Variants in DPYD observed in about 807,000 individuals in gnomAD.
DPYD encodes dihydropyrimidine dehydrogenase, also known as dihydropyrimidine dehydrogenase [NADP(+)].
A neutral mutation model predicts 116.2 loss-of-function variants in DPYD; 109 were observed. The ratio of observed to expected loss-of-function variants is 0.94; its 90% CI spans 0.80 to 1.10. The LOEUF (loss-of-function observed/expected upper bound fraction) is 1.10. Ranked by LOEUF, DPYD falls within the 50% of genes least tolerant of loss-of-function variation. DPYD has a pLI of 0.00. For missense variants in DPYD, 1,302 were observed against 1,254.5 expected, an observed-to-expected ratio of 1.04 and a Z score of -0.57; for synonymous variants, 440 against 432.0, an observed-to-expected ratio of 1.02 and a Z score of -0.23.
chr1:97,585,425 G>C (rs185496556), intron 10 of DPYD, among the ~76,000 whole-genome samples: 285 of 152,236 alleles, frequency 1.9e-3, no homozygotes, highest in Non-Finnish European at 3.2e-3. Context: ...AAGATATTAA[G>C]TACACCTCTA....
chr1:97,524,829 C>T (rs928922246), intron 12 of DPYD, among the ~76,000 whole-genome samples: 1 of 152,140 alleles, frequency 6.6e-6, no homozygotes, highest in Non-Finnish European at 1.5e-5. Context: ...TAGATTGTTG[C>T]AATCAGTTGG....
intron 19 of DPYD, among the ~76,000 whole-genome samples, chr1:97,206,107 G>A (rs1209394750): frequency 6.6e-6 from 1 of 151,772 alleles, no homozygotes; most frequent in African/African-American, 2.4e-5. Context: ...AAGGTATGAG[G>A]GAGGGGTACG....
At chr1:97,116,331 AC>A (rs1238794380) in intron 20 of DPYD, among the ~76,000 whole-genome samples, 1 of 152,102 alleles carries the variant, frequency 6.6e-6, no homozygotes, top group Non-Finnish European at 1.5e-5. Flanking sequence ...AGTGCATCTT[AC>A]CAAGACACAA....
Position 97,736,698 on chromosome 1 carries a change from T to C in DPYD, c.321+3694A>G, listed in dbSNP as rs373975946. Among the ~76,000 whole-genome samples, 7 of 152,056 alleles carry C rather than the reference T, an allele frequency of 4.6e-5. No homozygotes were observed. In the East Asian group the frequency reaches 7.7e-4, roughly 17 times the overall value. ...CCAACCCATAATACATAGGCCAAAA[T>C]TGGCAGGTCATCTGTAATGAAAACT... On this transcript the variant is annotated intron_variant, in intron 4 of 22. Transcript: ENST00000370192.
intron 20 of DPYD, among the ~76,000 whole-genome samples, chr1:97,145,400 G>A (rs1654541950): frequency 6.6e-6 from 1 of 152,136 alleles, no homozygotes; most frequent in Non-Finnish European, 1.5e-5. Flanking sequence ...CTGCATGACA[G>A]CAGCCTCTTT....
chr1:97,125,644 T>C (rs1358882073), intron 20 of DPYD, among the ~76,000 whole-genome samples: 1 of 151,886 alleles, frequency 6.6e-6, no homozygotes, highest in South Asian at 2.1e-4. Context: ...TAGTAGGAGG[T>C]AGGGACTTTG....
At chr1:97,252,662 T>C (rs1663186100) in intron 18 of DPYD, among the ~76,000 whole-genome samples, 1 of 152,192 alleles carries the variant, frequency 6.6e-6, no homozygotes, top group Non-Finnish European at 1.5e-5. Flanking sequence ...CGCTATATAC[T>C]GTTTTTCTCA....
At chr1:97,323,194 GTA>G (rs1159479856) in intron 16 of DPYD, among the ~76,000 whole-genome samples, 3 of 146,584 alleles carry the variant, frequency 2.0e-5, no homozygotes, top group African/African-American at 7.5e-5. Context: ...ATATATACAC[GTA>G]TATATATCCA....
chr1:97,188,394 T>A (rs932048044), intron 20 of DPYD, among the ~76,000 whole-genome samples: 2 of 152,208 alleles, frequency 1.3e-5, no homozygotes, highest in African/African-American at 4.8e-5. Flanking sequence ...ATTGACTTTC[T>A]TTTTTCCTCC....
In DPYD at chr1:97,715,192, C is replaced by T. The variant is rs893097263; in HGVS notation, c.483+6318G>A. Among the ~76,000 whole-genome samples the T allele has an allele frequency of 3.3e-5, 5 of 151,976 alleles. No individual in the cohort carries two copies. The East Asian group carries it at 9.6e-4, about 29-fold the overall frequency. ...ATTACCTGGTTTGCATGCCCTCAAG[C>T]GTTGTTTATCAGCATTTTTGAGTGA... On this transcript the variant is annotated intron_variant, in intron 5 of 22. Transcript: ENST00000370192.
chr1:97,446,752 C>T (rs139305964), intron 14 of DPYD, among the ~76,000 whole-genome samples: 2 of 151,960 alleles, frequency 1.3e-5, no homozygotes, highest in African/African-American at 4.8e-5. Context: ...AAATTTTCCC[C>T]GGCCCAAAAT....
intron 14 of DPYD, among the ~76,000 whole-genome samples, chr1:97,417,178 T>C (rs1674332355): frequency 6.6e-6 from 1 of 152,184 alleles, no homozygotes; most frequent in South Asian, 2.1e-4. Flanking sequence ...CATAATGTCT[T>C]GGATAAGTTA....
intron 20 of DPYD, among the ~76,000 whole-genome samples, chr1:97,104,832 A>G (rs1056722213): frequency 2.0e-5 from 3 of 152,150 alleles, no homozygotes; most frequent in Non-Finnish European, 4.4e-5. Context: ...TTTGTTGTGA[A>G]GTGATGAAGT....
chr1:97,546,334 G>A (rs1003737198), intron 12 of DPYD: 9 of 1,428,832 alleles, frequency 6.3e-6, no homozygotes, highest in Middle Eastern at 1.8e-4. Flanking sequence ...ACAAAAGCTG[G>A]CAAATGGAGT....
chr1:97,792,137 T>G (rs957322123), intron 3 of DPYD, among the ~76,000 whole-genome samples: 1 of 152,208 alleles, frequency 6.6e-6, no homozygotes, highest in African/African-American at 2.4e-5. Context: ...CAACTATTTT[T>G]GGTATGCCCA....
intron 20 of DPYD, among the ~76,000 whole-genome samples, chr1:97,144,700 A>G (rs1042869074): frequency 6.6e-6 from 1 of 152,232 alleles, no homozygotes; most frequent in African/African-American, 2.4e-5. Flanking sequence ...AGTCATAATG[A>G]AACACCAACT....
At chr1:97,686,550 T>C (rs1394223305) in intron 7 of DPYD, among the ~76,000 whole-genome samples, 5 of 135,102 alleles carry the variant, frequency 3.7e-5, no homozygotes, top group African/African-American at 1.4e-4. Context: ...GGCAGGAGAA[T>C]GGCGTGAACC....
intron 21 of DPYD, among the ~76,000 whole-genome samples, chr1:97,083,962 C>T (rs1649332077): frequency 6.6e-6 from 1 of 152,100 alleles, no homozygotes; most frequent in African/African-American, 2.4e-5. Flanking sequence ...CATCTTTAAA[C>T]ATTATTAATG....
intron 16 of DPYD, among the ~76,000 whole-genome samples, chr1:97,341,540 G>A (rs919163679): frequency 6.6e-6 from 1 of 152,076 alleles, no homozygotes; most frequent in African/African-American, 2.4e-5. Context: ...CACCATTAAA[G>A]AGGAACATTT....
Sources: gnomAD v4.1 joint callset for allele counts (sites outside exome capture counted in the v4.1 genomes callset) on GRCh38, gnomAD v4.1.1 for gene constraint, MANE v1.5 for transcripts, NCBI Gene and HGNC (gene_info 2026-07-23, HGNC 2026-07-21) for gene names.